The following PLCL1 variants were observed in gnomAD, a reference collection of about 807,000 sequenced individuals.
PLCL1 encodes phospholipase C like 1 (inactive).
PLCL1 carries 41 observed loss-of-function variants against 84.4 expected under a neutral mutation model. The ratio of observed to expected loss-of-function variants is 0.49; its 90% CI spans 0.38 to 0.63. The LOEUF is 0.63. PLCL1 is among the 30% of genes least tolerant of loss of function. The probability of loss-of-function intolerance (pLI) is 0.00; values close to 1 mark genes in which losing one functional copy is unlikely to be tolerated. For missense variants in PLCL1, 1,206 were observed against 1,367.8 expected (o/e 0.88, Z 1.87); for synonymous variants, 490 against 488.3 (o/e 1.00, Z -0.05).
intron 1 of PLCL1, among the ~76,000 whole-genome samples, chr2:197,962,125 C>G (rs976518070): frequency 6.6e-6 from 1 of 151,982 alleles, no homozygotes; most frequent in East Asian, 1.9e-4. Flanking sequence ...TATCTTAACT[C>G]TTATCCTCCT....
chr2:197,956,390 T>G (rs1689494473), intron 1 of PLCL1, among the ~76,000 whole-genome samples: 1 of 152,200 alleles, frequency 6.6e-6, no homozygotes, highest in South Asian at 2.1e-4. Flanking sequence ...TACATGTGCA[T>G]GTGTCTTTAT....
chr2:197,840,156 G>A (rs948097774), intron 1 of PLCL1, among the ~76,000 whole-genome samples: 23 of 152,112 alleles, frequency 1.5e-4, no homozygotes, highest in Non-Finnish European at 4.4e-5. Context: ...GAGGGAAAGG[G>A]AAATTTCCTT....
chr2:197,950,260 T>C (rs1689361941), intron 1 of PLCL1, among the ~76,000 whole-genome samples: 1 of 152,116 alleles, frequency 6.6e-6, no homozygotes, highest in African/African-American at 2.4e-5. Context: ...CTTTTCTCTG[T>C]TTTGGATCTT....
At chr2:197,998,349 C>T (rs1231232593) in intron 1 of PLCL1, among the ~76,000 whole-genome samples, 1 of 152,030 alleles carries the variant, frequency 6.6e-6, no homozygotes, top group Admixed American at 6.6e-5. Context: ...AACTAACATT[C>T]TTCTTAGAAT....
intron 1 of PLCL1, among the ~76,000 whole-genome samples, chr2:198,067,329 T>C (rs961422118): frequency 5.9e-5 from 9 of 152,122 alleles, no homozygotes; most frequent in Non-Finnish European, 1.2e-4. Flanking sequence ...GGTCTCACCA[T>C]GTTGGCCAGG....
intron 1 of PLCL1, among the ~76,000 whole-genome samples, chr2:197,995,436 G>A (rs1046357717): frequency 7.9e-5 from 12 of 152,122 alleles, no homozygotes; most frequent in Non-Finnish European, 1.8e-4. Context: ...GGAAAGGAAA[G>A]CAACAAGTAA....
chr2:197,813,799 C>A (rs915126088), intron 1 of PLCL1, among the ~76,000 whole-genome samples: 1 of 152,086 alleles, frequency 6.6e-6, no homozygotes, highest in African/African-American at 2.4e-5. Context: ...AACGCAGAGC[C>A]AAGAAGTAGG....
At chr2:198,142,888 C>T (rs1460552511) in intron 5 of PLCL1, among the ~76,000 whole-genome samples, 1 of 151,674 alleles carries the variant, frequency 6.6e-6, no homozygotes, top group African/African-American at 2.4e-5. Flanking sequence ...AGCAGCTTGA[C>T]ATTTTTTTTT....
At chr2:197,970,165 C>G (rs555967649) in intron 1 of PLCL1, among the ~76,000 whole-genome samples, 1 of 152,050 alleles carries the variant, frequency 6.6e-6, no homozygotes, top group Non-Finnish European at 1.5e-5. Context: ...CTGGAAAGTC[C>G]AAGAGGATGG....
At chr2:197,815,710 T>C (rs2106416278) in intron 1 of PLCL1, among the ~76,000 whole-genome samples, 1 of 152,222 alleles carries the variant, frequency 6.6e-6, no homozygotes, top group South Asian at 2.1e-4. Context: ...AGCAGGAATT[T>C]GGAAGAAGTT....
chr2:198,066,193 A>G (rs1415995048), intron 1 of PLCL1, among the ~76,000 whole-genome samples: 1 of 152,098 alleles, frequency 6.6e-6, no homozygotes, highest in Non-Finnish European at 1.5e-5. Context: ...TCCTTAAGTT[A>G]TCTCATTCAG....
At chr2:197,866,621 ACT>A (rs370173460) in intron 1 of PLCL1, among the ~76,000 whole-genome samples, 340 of 152,068 alleles carry the variant, frequency 2.2e-3, no homozygotes, top group African/African-American at 7.8e-3. Flanking sequence ...TCATCTAATA[ACT>A]CTCTAGAGGT....
chr2:198,139,110 G>A (rs1027158392), intron 5 of PLCL1, among the ~76,000 whole-genome samples: 2 of 151,818 alleles, frequency 1.3e-5, no homozygotes, highest in Admixed American at 1.3e-4. Context: ...AGCCAAGATC[G>A]CACCATTGCA....
At position 197,965,333 on chromosome 2, in the gene PLCL1, C is replaced by A. The variant is rs935781863; in HGVS notation, c.241-118425C>A. Reference sequence around the variant, plus strand: ...AATTTATTCATCTTTTCTAGGTTTTCCAATTTATTGGCATATAGTTGCTCA... The same window carrying A: ...AATTTATTCATCTTTTCTAGGTTTTACAATTTATTGGCATATAGTTGCTCA... On this transcript the variant is annotated intron_variant, in intron 1 of 5. Coordinates refer to ENST00000428675, the MANE Select transcript of PLCL1 (RefSeq NM_006226.4). Among the ~76,000 whole-genome samples the A allele has an allele frequency of 1.2e-4, 18 of 152,142 alleles. No individual in the cohort carries two copies. The South Asian group carries it at 3.3e-3, about 28-fold the overall frequency.
chr2:197,878,199 A>G (rs1489861450), intron 1 of PLCL1, among the ~76,000 whole-genome samples: 3 of 152,190 alleles, frequency 2.0e-5, no homozygotes, highest in African/African-American at 7.2e-5. Flanking sequence ...TTGTCCTGCA[A>G]ACAGACAATG....
chr2:198,029,060 A>G (rs374337541), intron 1 of PLCL1, among the ~76,000 whole-genome samples: 1 of 152,310 alleles, frequency 6.6e-6, no homozygotes, highest in African/African-American at 2.4e-5. Flanking sequence ...TGGAGAAGTA[A>G]GGAGATTTAC....
intron 1 of PLCL1, among the ~76,000 whole-genome samples, chr2:197,860,737 T>C (rs1481043813): frequency 1.3e-5 from 2 of 152,184 alleles, no homozygotes; most frequent in African/African-American, 4.8e-5. Context: ...TTCTTGTAAA[T>C]TTGTAAGTTC....
intron 1 of PLCL1, among the ~76,000 whole-genome samples, chr2:197,969,240 A>T (rs540838091): frequency 6.6e-6 from 1 of 152,340 alleles, no homozygotes; most frequent in Non-Finnish European, 1.5e-5. Context: ...ACTGATTTAA[A>T]AGGACAATTT....
rs545175377 is a variant in PLCL1 at position 197,827,697 on chromosome 2, A to G, written c.240+22358A>G. On this transcript the variant is annotated intron_variant, in intron 1 of 5. Transcript: ENST00000428675. ...TACTCTGTTGGATCTTAAATTTATC[A>G]TTTCCTGAGATTATGATCTAGTTTA... Among the ~76,000 whole-genome samples the G allele has an allele frequency of 4.5e-4, 68 of 152,280 alleles. 2 individuals are homozygous for G. In the South Asian group the frequency reaches 9.9e-3, roughly 22 times the overall value.
Sources: gnomAD v4.1 joint callset for allele counts (sites outside exome capture counted in the v4.1 genomes callset) on GRCh38, gnomAD v4.1.1 for gene constraint, MANE v1.5 for transcripts, NCBI Gene and HGNC (gene_info 2026-07-23, HGNC 2026-07-21) for gene names.